The following SHC4 variants were observed in gnomAD, a reference collection of about 807,000 sequenced individuals.
SHC4 encodes SHC-transforming protein 4.
SHC4 carries 41 observed loss-of-function variants against 69.4 expected under a neutral mutation model. The ratio of observed to expected loss-of-function variants is 0.59; its 90% CI spans 0.46 to 0.77. SHC4 has a LOEUF of 0.77. SHC4 is among the 30% of genes least tolerant of loss of function. The pLI is 0.00. For synonymous variants in SHC4, 318 were observed against 299.3 expected, an observed-to-expected ratio of 1.06 and a Z score of -0.64; for missense variants, 777 against 783.8, an observed-to-expected ratio of 0.99 and a Z score of 0.10.
Position 48,884,833 on chromosome 15 carries a change from C to A in SHC4, c.721-466G>T, listed in dbSNP as rs13380222. Reference sequence around the variant, plus strand: ...CTGTTCCTCCCTCATCTTTCCCTTCCCAGAGTTAAAAAGTCCTCTCTACTA... The same window carrying A: ...CTGTTCCTCCCTCATCTTTCCCTTCACAGAGTTAAAAAGTCCTCTCTACTA... On this transcript the variant is annotated intron_variant, in intron 3 of 11. Coordinates refer to ENST00000332408, the MANE Select transcript of SHC4 (RefSeq NM_203349.4). 4.1e-3 allele frequency among the ~76,000 whole-genome samples: 620 copies of A among 152,324 alleles called. 2 individuals carry two copies. Among genetic ancestry groups the A allele is most frequent in the African/African-American group, 0.015 (605 of 41,564 alleles).
intron 4 of SHC4, among the ~76,000 whole-genome samples, chr15:48,873,051 CAAA>C (rs1899717712): frequency 6.6e-6 from 1 of 152,182 alleles, no homozygotes; most frequent in South Asian, 2.1e-4. Context: ...AAAATATTCT[CAAA>C]GAAGACAATA....
At chr15:48,917,418 T>A (rs937522661) in intron 2 of SHC4, among the ~76,000 whole-genome samples, 3 of 152,190 alleles carry the variant, frequency 2.0e-5, no homozygotes, top group African/African-American at 7.2e-5. Context: ...ATTCTTAGCA[T>A]GATCTTCATT....
chr15:48,950,360 T>C (rs997344743), intron 1 of SHC4, among the ~76,000 whole-genome samples: 4 of 151,726 alleles, frequency 2.6e-5, no homozygotes, highest in African/African-American at 9.7e-5. Context: ...GAAGCTTTCC[T>C]TGATTACTCA....
At chr15:48,878,470 G>A (rs527861826) in intron 4 of SHC4, 3 of 1,613,798 alleles carry the variant, frequency 1.9e-6, no homozygotes, top group African/African-American at 1.3e-5. Context: ...GCGAGGACGA[G>A]GGCGAGGAAT....
intron 7 of SHC4, among the ~76,000 whole-genome samples, chr15:48,857,464 CTT>C (rs1040556287): frequency 6.6e-6 from 1 of 152,024 alleles, no homozygotes; most frequent in Admixed American, 6.6e-5. Flanking sequence ...GAAGGGATCT[CTT>C]TTAATCTTGT....
intron 1 of SHC4, chr15:48,938,193 T>C (rs554405563): frequency 3.3e-5 from 5 of 152,288 alleles, no homozygotes; most frequent in African/African-American, 1.2e-4. Context: ...CCTACTCAGA[T>C]TAAGATGTTT....
At chr15:48,880,786 T>G (rs1899924669) in intron 4 of SHC4, among the ~76,000 whole-genome samples, 1 of 152,138 alleles carries the variant, frequency 6.6e-6, no homozygotes, top group Non-Finnish European at 1.5e-5. Context: ...ACACCCCTTT[T>G]AGGGGTGTAA....
chr15:48,847,178 T>G (rs1899110316), intron 9 of SHC4, among the ~76,000 whole-genome samples: 1 of 152,170 alleles, frequency 6.6e-6, no homozygotes, highest in South Asian at 2.1e-4. Context: ...TAGTACGCCT[T>G]CCAAAAGTTC....
At position 48,870,506 on chromosome 15, in the gene SHC4, C is replaced by A. The variant is rs766120658; in HGVS notation, c.894+1583G>T. ...TAATAGTTATTTGAAAATAACTATACCCCAGGCTAAAAGATGAGGAAGTAG... is the reference window on the plus strand; with the variant it reads ...TAATAGTTATTTGAAAATAACTATAACCCAGGCTAAAAGATGAGGAAGTAG... On this transcript the variant is annotated intron_variant, in intron 5 of 11. Coordinates refer to ENST00000332408, the MANE Select transcript of SHC4 (RefSeq NM_203349.4). 2.0e-5 allele frequency among the ~76,000 whole-genome samples: 3 copies of A among 152,196 alleles called. No individual in the cohort carries two copies. The East Asian group carries it at 5.8e-4, about 29-fold the overall frequency.
At position 48,932,953 on chromosome 15, in the gene SHC4, T is replaced by TA. The variant is rs536470144; in HGVS notation, c.586-8005dup. Among the ~76,000 whole-genome samples, 50 of 152,082 alleles carry TA rather than the reference T, an allele frequency of 3.3e-4. 1 individual carries two copies. The highest frequency in any genetic ancestry group is 4.2e-4 in the South Asian group (2 of 4,816). On this transcript the variant is annotated intron_variant, in intron 1 of 11. Coordinates refer to ENST00000332408, the MANE Select transcript of SHC4 (RefSeq NM_203349.4). ...TTTAAGAAAGAATGGGATATGCATA[T>TA]AAAAAAAATCACATTAAGGACTTAA...
intron 2 of SHC4, among the ~76,000 whole-genome samples, chr15:48,902,648 A>T (rs1900337882): frequency 6.6e-6 from 1 of 151,988 alleles, no homozygotes; most frequent in Admixed American, 6.6e-5. Flanking sequence ...ACCCCTCCCC[A>T]GCAGCAGCAG....
At chr15:48,892,858 C>T (rs1311847470) in intron 2 of SHC4, among the ~76,000 whole-genome samples, 10 of 124,094 alleles carry the variant, frequency 8.1e-5, no homozygotes, top group Non-Finnish European at 1.5e-4. Context: ...AGCAAAACTC[C>T]GTCTCAAAAA....
rs1898654318 is a variant in SHC4, at chr15:48,824,821, C to G, written c.*1150G>C. ...ATTCAGCAACTTGCTGAAGGTCACACTGGTAAGACTCAGCGTAATGCTTTT... is the reference window on the plus strand; with the variant it reads ...ATTCAGCAACTTGCTGAAGGTCACAGTGGTAAGACTCAGCGTAATGCTTTT... On this transcript the variant is annotated 3_prime_UTR_variant, in exon 12 of 12. Transcript: ENST00000332408. The G allele has an allele frequency of 6.6e-6, 1 of 152,638 alleles. No homozygotes were observed. The highest frequency in any genetic ancestry group is 6.5e-5 in the Admixed American group (1 of 15,282). The allele number at this position is 152,638 out of a possible 1,614,324, so 9.5% of individuals were successfully genotyped here.
intron 2 of SHC4, among the ~76,000 whole-genome samples, chr15:48,920,252 A>C (rs913327062): frequency 1.3e-5 from 2 of 150,950 alleles, no homozygotes; most frequent in African/African-American, 4.9e-5. Context: ...CGATCTCCTG[A>C]CCTCATGATC....
At chr15:48,930,957 G>A (rs1352503856) in intron 1 of SHC4, among the ~76,000 whole-genome samples, 1 of 152,188 alleles carries the variant, frequency 6.6e-6, no homozygotes, top group African/African-American at 2.4e-5. Flanking sequence ...AACTGCCTGA[G>A]CAAACCAACT....
At chr15:48,890,667 T>C (rs1900120164) in intron 3 of SHC4, 81 bp downstream of exon 3, 1 of 1,520,574 alleles carries the variant, frequency 6.6e-7, no homozygotes, top group Non-Finnish European at 9.1e-7. Context: ...GGTCATATGG[T>C]GGGATGAACG....
At chr15:48,958,849 G>T (rs1003328489) in intron 1 of SHC4, among the ~76,000 whole-genome samples, 3 of 152,144 alleles carry the variant, frequency 2.0e-5, no homozygotes, top group African/African-American at 7.2e-5. Flanking sequence ...AATGGGCTTT[G>T]CCCACCTCAC....
chr15:48,884,415 A>G (rs1443269591), intron 3 of SHC4, 48 bp from the exon 4 acceptor site: 1 of 1,513,500 alleles, frequency 6.6e-7, no homozygotes, highest in Admixed American at 2.2e-5. Context: ...GAATTTTGTT[A>G]CAGAATAAAT....
chr15:48,918,115 T>G (rs1306202438), intron 2 of SHC4, among the ~76,000 whole-genome samples: 1 of 152,232 alleles, frequency 6.6e-6, no homozygotes, highest in East Asian at 1.9e-4. Context: ...TAGAGATAGC[T>G]ATGATCACAC....
Sources: allele counts gnomAD v4.1 joint callset (sites outside exome capture counted in the v4.1 genomes callset), GRCh38; gene constraint gnomAD v4.1.1; transcripts MANE v1.5; gene names NCBI Gene and HGNC (gene_info 2026-07-23, HGNC 2026-07-21).